ADCY2: variants seen among roughly 807,000 people sequenced by gnomAD.
ADCY2 encodes adenylate cyclase 2, also known as adenylate cyclase type 2.
A neutral mutation model predicts 125.2 loss-of-function variants in ADCY2; 31 were observed. That is an observed-to-expected ratio of 0.25 (90% confidence interval 0.19 to 0.33). The LOEUF is 0.33. ADCY2 is among the 10% of genes least tolerant of loss of function. The pLI, the probability that ADCY2 is intolerant of heterozygous loss-of-function variation, is 1.00. For missense variants in ADCY2, 904 were observed against 1,418.2 expected, an observed-to-expected ratio of 0.64 and a Z score of 5.82; for synonymous variants, 512 against 548.4, an observed-to-expected ratio of 0.93 and a Z score of 0.93.
chr5:7,466,533 G>T (rs6895432), intron 2 of ADCY2, among the ~76,000 whole-genome samples: 2,078 of 152,266 alleles, frequency 0.014, 60 homozygotes, highest in African/African-American at 0.048. Context: ...TTTAAGCCCT[G>T]CCAGGCCAGC....
In ADCY2 at chr5:7,396,466, C is replaced by G; in HGVS notation, c.170C>G (p.Ser57Cys). Residue 57 changes from serine to cysteine, a missense_variant, in exon 1 of 25, where the codon TCC (serine) becomes TGC (cysteine). Ser to Cys is a moderately radical substitution (Grantham distance 112). This residue lies in a region of ADCY2 where 113 missense variants were observed against 108.0 expected (regional missense o/e 1.05). Coordinates refer to ENST00000338316, the MANE Select transcript of ADCY2 (RefSeq NM_020546.3). This position sits in a 1 kb window ranked among gnomAD's most constrained non-coding sequence, Gnocchi z 5.7. The part of the protein sequence containing the change: ...IVFLLLIVMG[S>C]CLALLAVFFA... ...TTCCTGCTGCTCATCGTCATGGGCT[C>G]CTGCCTCGCCCTGCTCGCCGTCTTC... 1 of 1,571,396 alleles carries G rather than the reference C, an allele frequency of 6.4e-7. No individual in the cohort carries two copies. Among genetic ancestry groups the G allele is most frequent in the Non-Finnish European group, 8.6e-7 (1 of 1,159,372 alleles).
At chr5:7,460,214 A>G (rs1447381327) in intron 2 of ADCY2, among the ~76,000 whole-genome samples, 1 of 152,116 alleles carries the variant, frequency 6.6e-6, no homozygotes, top group Non-Finnish European at 1.5e-5. Context: ...TAAAAATTAA[A>G]CAACATTTTT....
chr5:7,733,388 T>G, intron 14 of ADCY2, among the ~76,000 whole-genome samples: 1 of 151,770 alleles, frequency 6.6e-6, no homozygotes, highest in Admixed American at 6.6e-5. Context: ...ATATAAGGAG[T>G]TGAGAAAGTA....
At chr5:7,576,203 C>T (rs950958534) in intron 3 of ADCY2, among the ~76,000 whole-genome samples, 3 of 152,130 alleles carry the variant, frequency 2.0e-5, no homozygotes, top group Non-Finnish European at 2.9e-5. Flanking sequence ...TCCCAGGAGG[C>T]GGGTGGCAGT....
intron 5 of ADCY2, among the ~76,000 whole-genome samples, chr5:7,694,659 TG>T (rs1740830530): frequency 6.6e-6 from 1 of 152,242 alleles, no homozygotes; most frequent in African/African-American, 2.4e-5. Flanking sequence ...GACCACATTT[TG>T]TTTATTCATC....
intron 2 of ADCY2, among the ~76,000 whole-genome samples, chr5:7,458,803 A>G (rs2126434463): frequency 6.6e-6 from 1 of 152,316 alleles, no homozygotes; most frequent in South Asian, 2.1e-4. Context: ...ATGGGCTACT[A>G]GGCAAACAGT....
intron 16 of ADCY2, among the ~76,000 whole-genome samples, chr5:7,763,310 C>A (rs1458304818): frequency 6.6e-6 from 1 of 152,058 alleles, no homozygotes. Context: ...CCAAGATGGT[C>A]TCGATCTCCT....
chr5:7,760,229 T>C (rs1335125590), intron 16 of ADCY2, among the ~76,000 whole-genome samples: 1 of 152,238 alleles, frequency 6.6e-6, no homozygotes, highest in East Asian at 1.9e-4. Flanking sequence ...CGGGCTCGAC[T>C]TTGTAACCTG....
At chr5:7,720,629 G>A (rs1741729400) in intron 12 of ADCY2, among the ~76,000 whole-genome samples, 2 of 151,568 alleles carry the variant, frequency 1.3e-5, no homozygotes, top group South Asian at 4.2e-4. Flanking sequence ...TCCCACCTAT[G>A]AGTGAGAACA....
intron 2 of ADCY2, among the ~76,000 whole-genome samples, chr5:7,495,991 G>A (rs1743333745): frequency 6.6e-6 from 1 of 152,146 alleles, no homozygotes; most frequent in South Asian, 2.1e-4. Context: ...AGTTCTCCTA[G>A]GCAAGCACTG....
chr5:7,673,285 T>TATATATATATATATATAA (rs1740004034), intron 4 of ADCY2, among the ~76,000 whole-genome samples: 1 of 78,828 alleles, frequency 1.3e-5, no homozygotes. Flanking sequence ...TATATATATA[T>TATATATATATATATATAA]AAAATTAGCC....
chr5:7,583,874 A>G (rs1347091397), intron 3 of ADCY2, among the ~76,000 whole-genome samples: 3 of 152,168 alleles, frequency 2.0e-5, no homozygotes, highest in Non-Finnish European at 4.4e-5. Context: ...AAGTATTCAT[A>G]CACTGGAATA....
intron 15 of ADCY2, among the ~76,000 whole-genome samples, chr5:7,752,103 T>A (rs1742845102): frequency 6.6e-6 from 1 of 152,168 alleles, no homozygotes; most frequent in African/African-American, 2.4e-5. Flanking sequence ...GGAGCAACAG[T>A]GCAGGGATGT....
intron 5 of ADCY2, among the ~76,000 whole-genome samples, chr5:7,694,636 C>T (rs557897896): frequency 6.6e-6 from 1 of 152,286 alleles, no homozygotes; most frequent in South Asian, 2.1e-4. Context: ...CCTGATATTC[C>T]ATTGTATGGA....
chr5:7,479,632 AAT>A (rs201211974), intron 2 of ADCY2, among the ~76,000 whole-genome samples: 2,827 of 102,796 alleles, frequency 0.028, 82 homozygotes, highest in African/African-American at 0.094. Context: ...GTACAATTAA[AAT>A]TTTTTTTTTT....
At chr5:7,570,379 C>A (rs1419590029) in intron 3 of ADCY2, among the ~76,000 whole-genome samples, 1 of 152,034 alleles carries the variant, frequency 6.6e-6, no homozygotes, top group East Asian at 1.9e-4. Flanking sequence ...AGTTTAAAAA[C>A]CTTTTTTTCT....
In ADCY2 at chr5:7,709,424, G is replaced by A. The variant is rs549790985; in HGVS notation, c.1578+37G>A. ...CCTGCCTCCAATGCCTGAGCACTGG[G>A]GGAAAGCTAACTTCCCAAAACCAAA... On this transcript the variant is annotated intron_variant, in intron 10 of 24. Transcript: ENST00000338316. The surrounding 1 kb of genome is among the most constrained non-coding windows in gnomAD (Gnocchi z 4.4). 4.4e-5 allele frequency: 66 copies of A among 1,511,424 alleles called. No individual in the cohort carries two copies. In the Admixed American group the frequency reaches 1.4e-3, roughly 32 times the overall value. 93.6% of individuals were successfully genotyped at this position (1,511,424 alleles called of 1,614,324 possible). A position where few individuals can be genotyped will look rare whatever the true frequency, so the allele number is the denominator to read the frequency against.
intron 4 of ADCY2, among the ~76,000 whole-genome samples, chr5:7,634,701 A>C (rs1738432781): frequency 6.9e-6 from 1 of 145,420 alleles, no homozygotes; most frequent in Admixed American, 6.9e-5. Flanking sequence ...TCAAATTTAC[A>C]GGTTTTTTTT....
chr5:7,734,495 A>G (rs1742190839), intron 14 of ADCY2, among the ~76,000 whole-genome samples: 1 of 152,174 alleles, frequency 6.6e-6, no homozygotes, highest in African/African-American at 2.4e-5. Flanking sequence ...ATGAACACTA[A>G]AAGTAATTTT....
Sources: allele counts gnomAD v4.1 joint callset (sites outside exome capture counted in the v4.1 genomes callset), GRCh38; gene constraint gnomAD v4.1.1; regional missense constraint gnomAD v4.1.1; non-coding constraint Gnocchi (gnomAD v3.1); transcripts MANE v1.5; gene names NCBI Gene and HGNC (gene_info 2026-07-23, HGNC 2026-07-21).